The following GRID1 variants were observed in gnomAD, a reference collection of about 807,000 sequenced individuals.
GRID1 encodes glutamate ionotropic receptor delta type subunit 1, also known as glutamate receptor ionotropic, delta-1.
Under a neutral mutation model 98.0 loss-of-function variants are expected in GRID1, and 28 were observed. That is an observed-to-expected ratio of 0.29 (90% CI 0.21 to 0.39). The LOEUF (loss-of-function observed/expected upper bound fraction) is 0.39. GRID1 is among the 10% of genes least tolerant of loss of function. The pLI is 1.00. For synonymous variants in GRID1, 553 were observed against 538.5 expected (o/e 1.03, Z -0.37); for missense variants, 1,111 against 1,340.5 (o/e 0.83, Z 2.67).
intron 8 of GRID1, among the ~76,000 whole-genome samples, chr10:85,785,137 C>A (rs1842416420): frequency 6.6e-6 from 1 of 152,218 alleles, no homozygotes; most frequent in South Asian, 2.1e-4. Flanking sequence ...TGCACCCTAG[C>A]AATCAGGAAC....
chr10:85,962,401 G>A lies in GRID1; in HGVS notation c.727-46162C>T, dbSNP rs140351366. On this transcript the variant is annotated intron_variant, in intron 4 of 15. Coordinates refer to ENST00000327946, the MANE Select transcript of GRID1 (RefSeq NM_017551.3). ...GCCAGTCCCTAAAAATCAGAAAAAA[G>A]CCCCAGCTCAGCTGCATAGACCTCC... 5.3e-3 allele frequency among the ~76,000 whole-genome samples: 807 copies of A among 152,274 alleles called. 5 individuals carry two copies. The highest frequency in any genetic ancestry group is 0.014 in the Middle Eastern group (4 of 294).
chr10:86,059,686 C>T lies in GRID1; in HGVS notation c.726+79133G>A, dbSNP rs546327124. 1.6e-4 allele frequency among the ~76,000 whole-genome samples: 24 copies of T among 152,280 alleles called. No homozygotes were observed. In the East Asian group the frequency reaches 2.7e-3, roughly 17 times the overall value. Reference sequence around the variant, plus strand: ...TCAATCAATGCTAGTTTTGGATGCTCATAAGAGTTTGCTTGATGGAATCGT... The same window carrying T: ...TCAATCAATGCTAGTTTTGGATGCTTATAAGAGTTTGCTTGATGGAATCGT... On this transcript the variant is annotated intron_variant, in intron 4 of 15. Transcript: ENST00000327946.
rs569919078 is a variant in GRID1 at position 86,030,329 on chromosome 10, G to T, written c.726+108490C>A. 7.7e-4 allele frequency among the ~76,000 whole-genome samples: 118 copies of T among 152,312 alleles called. No individual in the cohort carries two copies. In the Middle Eastern group the frequency reaches 0.01, roughly 13 times the overall value. On this transcript the variant is annotated intron_variant, in intron 4 of 15. Transcript: ENST00000327946. ...AGATGGTCTGTGGAAGTCACGAAGGGATTAATAATTGCAGGAAAGATTCCC... is the reference window on the plus strand; with the variant it reads ...AGATGGTCTGTGGAAGTCACGAAGGTATTAATAATTGCAGGAAAGATTCCC...
At chr10:86,323,953 C>T (rs570736775) in intron 2 of GRID1, among the ~76,000 whole-genome samples, 2 of 152,174 alleles carry the variant, frequency 1.3e-5, no homozygotes, top group East Asian at 1.9e-4. Flanking sequence ...CCAAGGTGGG[C>T]GAGTCACTTG....
chr10:86,230,455 A>G (rs1000787114), intron 2 of GRID1, among the ~76,000 whole-genome samples: 2 of 152,186 alleles, frequency 1.3e-5, no homozygotes, highest in Admixed American at 1.3e-4. Flanking sequence ...ACTCAGTGAC[A>G]ATGCACAACC....
chr10:85,770,870 G>T (rs188606490), intron 8 of GRID1, among the ~76,000 whole-genome samples: 1 of 152,180 alleles, frequency 6.6e-6, no homozygotes, highest in Non-Finnish European at 1.5e-5. Context: ...GAAAGTGACG[G>T]GGAGAATGGA....
chr10:86,273,909 T>G lies in GRID1; in HGVS notation c.236-67261A>C, dbSNP rs1480907886. ...TTTCTTTTGCTGTGCAGAAGCTCTT[T>G]AGTTTAATTAGATCCCATTTGTCAA... is the stretch of plus-strand genomic sequence containing the variant. On this transcript the variant is annotated intron_variant, in intron 2 of 15. Transcript: ENST00000327946. Among the ~76,000 whole-genome samples, 713 of 151,722 alleles carry G rather than the reference T, an allele frequency of 4.7e-3. 7 individuals are homozygous for G. Among genetic ancestry groups the G allele is most frequent in the African/African-American group, 0.017 (684 of 41,164 alleles).
chr10:85,799,301 T>G (rs1345501997), intron 8 of GRID1, among the ~76,000 whole-genome samples: 1 of 152,156 alleles, frequency 6.6e-6, no homozygotes, highest in Non-Finnish European at 1.5e-5. Context: ...TTCTTTTTGT[T>G]TAAGATTGCT....
intron 8 of GRID1, among the ~76,000 whole-genome samples, chr10:85,764,132 C>T (rs892613491): frequency 2.6e-5 from 4 of 152,130 alleles, no homozygotes; most frequent in Non-Finnish European, 2.9e-5. Context: ...TGAGTCTTTC[C>T]ATGAAGAGTG....
At chr10:85,717,220 GGAA>G (rs1023518034) in intron 12 of GRID1, among the ~76,000 whole-genome samples, 3 of 152,112 alleles carry the variant, frequency 2.0e-5, no homozygotes, top group African/African-American at 7.2e-5. Context: ...TATATTCAAT[GGAA>G]GAAGAACAGT....
At chr10:85,917,266 T>C (rs748298092) in intron 4 of GRID1, among the ~76,000 whole-genome samples, 3 of 152,128 alleles carry the variant, frequency 2.0e-5, no homozygotes, top group Non-Finnish European at 2.9e-5. Context: ...CCTGTTTTTT[T>C]GTTTGTAATG....
intron 12 of GRID1, among the ~76,000 whole-genome samples, chr10:85,652,397 C>T (rs1490472671): frequency 2.6e-5 from 4 of 152,132 alleles, no homozygotes; most frequent in Non-Finnish European, 4.4e-5. Context: ...ATTCAGTATA[C>T]GTAAAACGGA....
chr10:85,755,689 G>A (rs529662874), intron 8 of GRID1, among the ~76,000 whole-genome samples: 18 of 152,238 alleles, frequency 1.2e-4, no homozygotes, highest in Admixed American at 3.9e-4. Context: ...TGGCACTTCC[G>A]CTCGGGCACC....
At chr10:85,664,363 G>T (rs1840996927) in intron 12 of GRID1, among the ~76,000 whole-genome samples, 1 of 151,886 alleles carries the variant, frequency 6.6e-6, no homozygotes, top group Non-Finnish European at 1.5e-5. Flanking sequence ...AGCCAGTAAG[G>T]GGCAGCAAAG....
chr10:86,186,971 C>T (rs1845733572), intron 3 of GRID1, among the ~76,000 whole-genome samples: 1 of 152,166 alleles, frequency 6.6e-6, no homozygotes. Flanking sequence ...GAGGTTTAAG[C>T]TGGGGAAACC....
chr10:86,050,108 C>T (rs1177176734), intron 4 of GRID1, among the ~76,000 whole-genome samples: 1 of 152,218 alleles, frequency 6.6e-6, no homozygotes, highest in Non-Finnish European at 1.5e-5. Context: ...CCACAGATGG[C>T]TCACAGGGAT....
chr10:86,119,606 C>T (rs1466295065), intron 4 of GRID1, among the ~76,000 whole-genome samples: 1 of 152,114 alleles, frequency 6.6e-6, no homozygotes, highest in East Asian at 1.9e-4. Flanking sequence ...GTTTCTTCCT[C>T]CCCAATTATC....
chr10:85,808,194 G>A (rs79725530), intron 8 of GRID1, among the ~76,000 whole-genome samples: 13,367 of 152,178 alleles, frequency 0.088, 729 homozygotes, highest in Middle Eastern at 0.16. Flanking sequence ...AAACATGGCA[G>A]GAGGCCCATA....
In GRID1 at chr10:86,049,641, T is replaced by A. The variant is rs535607123; in HGVS notation, c.726+89178A>T. ...AACCCTGCCAGAATCAAGGTGACTC[T>A]AGATGACATGCATTTTCCAGGGCAC... On this transcript the variant is annotated intron_variant, in intron 4 of 15. Coordinates refer to ENST00000327946, the MANE Select transcript of GRID1 (RefSeq NM_017551.3). Among the ~76,000 whole-genome samples, 82 of 152,358 alleles carry A rather than the reference T, an allele frequency of 5.4e-4. No homozygotes were observed. The South Asian group carries it at 7.9e-3, about 15-fold the overall frequency.
Sources: allele counts gnomAD v4.1 joint callset (sites outside exome capture counted in the v4.1 genomes callset), GRCh38; gene constraint gnomAD v4.1.1; transcripts MANE v1.5; gene names NCBI Gene and HGNC (gene_info 2026-07-23, HGNC 2026-07-21).